Variants in PIK3R3 observed in about 807,000 individuals in gnomAD.
PIK3R3 encodes the protein phosphoinositide-3-kinase regulatory subunit 3.
In PIK3R3, 64 loss-of-function variants were observed where a neutral mutation model predicts 62.9. That is an observed-to-expected ratio of 1.02 (90% CI 0.83 to 1.25). The LOEUF is 1.25. Among genes scored for constraint, PIK3R3 ranks in the 50% most tolerant of loss-of-function variants. The pLI is 0.00. For missense variants in PIK3R3, 614 were observed against 561.6 expected, an observed-to-expected ratio of 1.09 and a Z score of -0.94; for synonymous variants, 165 against 189.0, an observed-to-expected ratio of 0.87 and a Z score of 1.04.
intron 1 of PIK3R3, among the ~76,000 whole-genome samples, chr1:46,115,371 T>TC (rs1299555481): frequency 6.6e-6 from 1 of 152,148 alleles, no homozygotes; most frequent in Non-Finnish European, 1.5e-5. Context: ...ATCCACCACA[T>TC]CAAGTTACAC....
chr1:46,093,412 T>G (rs927567188), intron 1 of PIK3R3, among the ~76,000 whole-genome samples: 1 of 152,230 alleles, frequency 6.6e-6, no homozygotes, highest in African/African-American at 2.4e-5. Context: ...TTTCTCCTTC[T>G]CTGTCAACTT....
chr1:46,167,326 G>A, the PIK3R3 span, among the ~76,000 whole-genome samples: 1 of 152,238 alleles, frequency 6.6e-6, no homozygotes, highest in Non-Finnish European at 1.5e-5. Context: ...GTCCAGAGAC[G>A]AGGGTGTGGG....
chr1:46,156,401 G>A, the PIK3R3 span, among the ~76,000 whole-genome samples: 1 of 150,238 alleles, frequency 6.7e-6, no homozygotes. Context: ...GGAGGTTCCA[G>A]TGAGCCAAGA....
chr1:46,046,596 TTC>T lies in PIK3R3; in HGVS notation c.969_970del (p.Lys324ThrfsTer9), dbSNP rs1647123947. On this transcript the variant is annotated frameshift_variant, in exon 8 of 10. Coordinates refer to ENST00000262741, the MANE Select transcript of PIK3R3 (RefSeq NM_003629.4). LOFTEE classifies it high-confidence loss of function. ...AATTCCCAGCCAGACATTCAGGCGT[TTC>T]TGTCTCACTCCTTTGTGATTGAGCC... is the stretch of plus-strand genomic sequence containing the variant. The T allele has an allele frequency of 1.2e-6, 2 of 1,613,762 alleles. No individual in the cohort carries two copies. The highest frequency in any genetic ancestry group is 1.7e-6 in the Non-Finnish European group (2 of 1,179,628).
At chr1:46,079,024 G>A (rs1650333304) in intron 2 of PIK3R3, among the ~76,000 whole-genome samples, 1 of 152,120 alleles carries the variant, frequency 6.6e-6, no homozygotes, top group Non-Finnish European at 1.5e-5. Flanking sequence ...TAGGGAAAAT[G>A]AAAAAGTTCT....
intron 1 of PIK3R3, among the ~76,000 whole-genome samples, chr1:46,090,947 G>C (rs760900433): frequency 1.8e-4 from 28 of 152,068 alleles, no homozygotes; most frequent in Non-Finnish European, 4.0e-4. Context: ...CCTGGGGTTA[G>C]CAAACTATGG....
intron 5 of PIK3R3, among the ~76,000 whole-genome samples, chr1:46,063,095 G>A (rs1465127102): frequency 6.6e-6 from 1 of 152,158 alleles, no homozygotes; most frequent in Non-Finnish European, 1.5e-5. Flanking sequence ...CTCTAATAAG[G>A]TTTGGTTTCA....
At chr1:46,046,937 A>C (rs1474132440) in intron 7 of PIK3R3, 2 of 393,884 alleles carry the variant, frequency 5.1e-6, no homozygotes, top group Non-Finnish European at 9.1e-6. Flanking sequence ...ACAGTGGGAC[A>C]TTTGTTTCTG....
At chr1:46,151,537 G>A in the PIK3R3 span, among the ~76,000 whole-genome samples, 1 of 152,164 alleles carries the variant, frequency 6.6e-6, no homozygotes, top group South Asian at 2.1e-4. Flanking sequence ...TGGGCCAGGA[G>A]TTTGAGACCA....
chr1:46,134,246 C>G (rs1371183597), upstream of PIK3R3, among the ~76,000 whole-genome samples: 1 of 152,178 alleles, frequency 6.6e-6, no homozygotes, highest in Admixed American at 6.6e-5. Flanking sequence ...ATTGATTCGC[C>G]TATGGAAGAG....
At chr1:46,133,046 T>G (rs913638854), upstream of PIK3R3, 8 of 1,021,598 alleles carry the variant, frequency 7.8e-6, no homozygotes, top group African/African-American at 1.4e-4. Flanking sequence ...TGCCGGAGCC[T>G]GGAGCCTGCG....
chr1:46,075,346 T>C (rs1260977863), intron 3 of PIK3R3, among the ~76,000 whole-genome samples: 3 of 152,228 alleles, frequency 2.0e-5, no homozygotes, highest in Non-Finnish European at 2.9e-5. Context: ...CTGGGCACAG[T>C]GGCTCACGCC....
chr1:46,122,197 G>A (rs1411823855), intron 1 of PIK3R3, among the ~76,000 whole-genome samples: 1 of 151,946 alleles, frequency 6.6e-6, no homozygotes, highest in South Asian at 2.1e-4. Context: ...AACATATATG[G>A]GCAAGCAATG....
the PIK3R3 span, among the ~76,000 whole-genome samples, chr1:46,147,892 T>A: frequency 6.6e-6 from 1 of 152,128 alleles, no homozygotes; most frequent in Admixed American, 6.5e-5. Flanking sequence ...TCACCAAAAC[T>A]ACCAAGGCAT....
In PIK3R3 at chr1:46,042,976, C is replaced by T. The variant is rs978876266; in HGVS notation, c.*697G>A. ...AGTATACATTCAACTATGAGTGCCA[C>T]GTTTTCCCATCAAACATTGGTCTGG... On this transcript the variant is annotated 3_prime_UTR_variant, in exon 10 of 10. Coordinates refer to ENST00000262741, the MANE Select transcript of PIK3R3 (RefSeq NM_003629.4). This position sits in a 1 kb window ranked among gnomAD's most constrained non-coding sequence, Gnocchi z 4.3. 5.1e-5 allele frequency: 11 copies of T among 216,626 alleles called. No homozygotes were observed. Among genetic ancestry groups the T allele is most frequent in the Admixed American group, 1.7e-4 (3 of 17,204 alleles). 13.4% of individuals were successfully genotyped at this position (216,626 alleles called of 1,614,324 possible).
At chr1:46,046,668 T>G in intron 7 of PIK3R3, 43 bp from the exon 8 acceptor site, 9 of 1,374,032 alleles carry the variant, frequency 6.6e-6, no homozygotes, top group Non-Finnish European at 9.4e-6. Context: ...ATGCAAACTC[T>G]GACTGGACAA....
chr1:46,165,536 C>G, the PIK3R3 span, among the ~76,000 whole-genome samples: 1 of 151,502 alleles, frequency 6.6e-6, no homozygotes, highest in Non-Finnish European at 1.5e-5. Context: ...GAACTCCCGA[C>G]CTCAGATGAT....
At chr1:46,051,177 T>G (rs1170843395) in intron 7 of PIK3R3, among the ~76,000 whole-genome samples, 1 of 152,124 alleles carries the variant, frequency 6.6e-6, no homozygotes, top group Non-Finnish European at 1.5e-5. Context: ...TTTAAATGGG[T>G]GAACTGTATG....
intron 7 of PIK3R3, among the ~76,000 whole-genome samples, chr1:46,053,239 TTTG>T (rs545252821): frequency 3.3e-5 from 5 of 152,098 alleles, no homozygotes; most frequent in Non-Finnish European, 5.9e-5. Flanking sequence ...AACTCTTATA[TTTG>T]TTGTTGTTGT....
Sources: gnomAD v4.1 joint callset for allele counts (sites outside exome capture counted in the v4.1 genomes callset) on GRCh38, gnomAD v4.1.1 for gene constraint, Gnocchi (gnomAD v3.1) non-coding constraint, MANE v1.5 for transcripts, NCBI Gene and HGNC (gene_info 2026-07-23, HGNC 2026-07-21) for gene names.